NLRC5: variants seen among roughly 807,000 people sequenced by gnomAD.
NLRC5 encodes NLR family CARD domain containing 5.
Under a neutral mutation model 206.9 loss-of-function variants are expected in NLRC5, and 114 were observed. The observed-to-expected ratio is 0.55, with a 90% CI of 0.47 to 0.64. The LOEUF is 0.64. Among genes scored for constraint, NLRC5 ranks in the 30% least tolerant of loss-of-function variants. The pLI is 0.00. For missense variants in NLRC5, 2,008 were observed against 2,305.5 expected, an observed-to-expected ratio of 0.87 and a Z score of 2.64; for synonymous variants, 952 against 962.8, an observed-to-expected ratio of 0.99 and a Z score of 0.21.
chr16:57,013,514 G>A (rs1224193381), intron 1 of NLRC5: 16 of 795,372 alleles, frequency 2.0e-5, no homozygotes, highest in Non-Finnish European at 3.6e-5. Context: ...GGCTGCTTGT[G>A]CTTTCATCAT....
intron 1 of NLRC5, among the ~76,000 whole-genome samples, chr16:57,008,954 CA>C (rs1420135916): frequency 1.3e-5 from 2 of 152,024 alleles, no homozygotes; most frequent in East Asian, 3.9e-4. Flanking sequence ...GAAGAAAAAA[CA>C]AAGTAAACTA....
At chr16:57,046,744 G>A (rs1307195226) in intron 22 of NLRC5, 103 bp downstream of exon 22, 1 of 903,280 alleles carries the variant, frequency 1.1e-6, no homozygotes. Flanking sequence ...GGGATAGAGG[G>A]AAGAGAGGGA....
chr16:57,062,011 C>G (rs954096181), intron 32 of NLRC5: 1 of 1,438,584 alleles, frequency 7.0e-7, no homozygotes, highest in Non-Finnish European at 9.2e-7. Flanking sequence ...TCTTGTCTGT[C>G]TGTTCACTAT....
rs1410444661 is a variant in NLRC5, at chr16:57,055,021, G to A, written c.3597-11G>A. ...GCCACAGCTGTCTGACCCAGGTCCT[G>A]TCTGATCCAGGTCCCTGCACCATGC... is the stretch of plus-strand genomic sequence containing the variant. On this transcript the variant is annotated splice_polypyrimidine_tract_variant and intron_variant, in intron 25 of 48. Transcript: ENST00000688547. The A allele has an allele frequency of 6.2e-7, 1 of 1,614,212 alleles. No homozygotes were observed. Among genetic ancestry groups the A allele is most frequent in the Non-Finnish European group, 8.5e-7 (1 of 1,180,044 alleles).
intron 4 of NLRC5, 103 bp downstream of exon 4, chr16:57,022,418 C>T (rs1204852027): frequency 1.4e-5 from 14 of 1,003,814 alleles, no homozygotes; most frequent in Non-Finnish European, 1.8e-5. Flanking sequence ...TGGTCACAGC[C>T]ATTTCTCATA....
rs533207682 is a variant in NLRC5, at chr16:57,037,434, T to C, written c.2801+150T>C. On this transcript the variant is annotated intron_variant, in intron 15 of 48. Transcript: ENST00000688547. ...ACCCCGTTACAGCCGGCACCCCTCT[T>C]CCTAGCTGCTGTGGATATAGGCTGC... 6.2e-4 allele frequency: 431 copies of C among 699,960 alleles called. 3 individuals are homozygous for C. In the Middle Eastern group the frequency reaches 0.015, roughly 25 times the overall value. The allele number at this position is 699,960 out of a possible 1,614,324, so 43.4% of individuals were successfully genotyped here. A position where few individuals can be genotyped will look rare whatever the true frequency, so the allele number is the denominator to read the frequency against.
chr16:57,043,968 T>G (rs1251586058), intron 20 of NLRC5, among the ~76,000 whole-genome samples: 1 of 152,036 alleles, frequency 6.6e-6, no homozygotes, highest in Non-Finnish European at 1.5e-5. Flanking sequence ...GTTACATATG[T>G]ATACATGTGC....
At chr16:57,036,635 T>C (rs2062615445) in intron 14 of NLRC5, among the ~76,000 whole-genome samples, 1 of 149,352 alleles carries the variant, frequency 6.7e-6, no homozygotes, top group Non-Finnish European at 1.5e-5. Context: ...TGTGCTGTGG[T>C]GTTGCATGGG....
At chr16:57,043,464 A>C in intron 19 of NLRC5, 51 bp from the exon 20 acceptor site, 27 of 1,260,212 alleles carry the variant, frequency 2.1e-5, no homozygotes, top group African/African-American at 2.9e-5. Context: ...CACAAAGAGG[A>C]TGTGTTTGGG....
rs756315586 is a variant in NLRC5, at chr16:57,081,135, G to A, written c.5359G>A (p.Glu1787Lys). 8.4e-6 allele frequency: 13 copies of A among 1,546,510 alleles called. No individual in the cohort carries two copies. Among genetic ancestry groups the A allele is most frequent in the East Asian group, 2.4e-5 (1 of 41,178 alleles). ...TCTCCTCGGGGATGAGGCAGCTGCCGAGCTGGCCCAGGTGCTGCCGCAGAT... is the reference window on the plus strand; with the variant it reads ...TCTCCTCGGGGATGAGGCAGCTGCCAAGCTGGCCCAGGTGCTGCCGCAGAT... ...WNLLGDEAAA[E>K]LAQVLPQMGR... Residue 1787 changes from glutamate to lysine, a missense_variant, in exon 47 of 49, where the codon GAG (glutamate) becomes AAG (lysine). Glu to Lys is a moderately conservative substitution (Grantham distance 56). Coordinates refer to ENST00000688547, the MANE Select transcript of NLRC5 (RefSeq NM_001384950.1).
intron 45 of NLRC5, 60 bp from the exon 46 acceptor site, chr16:57,079,486 C>T (rs1254966205): frequency 1.3e-6 from 2 of 1,491,316 alleles, no homozygotes; most frequent in Non-Finnish European, 1.9e-6. Flanking sequence ...GAGGCAGGAC[C>T]TGCTAGATCC....
At chr16:57,071,519 T>A (rs2067766297) in intron 38 of NLRC5, among the ~76,000 whole-genome samples, 1 of 95,562 alleles carries the variant, frequency 1.0e-5, no homozygotes, top group Non-Finnish European at 2.0e-5. Context: ...GGAAGGGTTG[T>A]GAGTGAGTGG....
At position 57,043,495 on chromosome 16, in the gene NLRC5, G is replaced by A; in HGVS notation, c.3114-20G>A. Reference sequence around the variant, plus strand: ...TTGGGTCCTGAGTGACCTCCATTGTGCCACCCCTGTGATCTCCAGCCTCAG... The same window carrying A: ...TTGGGTCCTGAGTGACCTCCATTGTACCACCCCTGTGATCTCCAGCCTCAG... On this transcript the variant is annotated intron_variant, in intron 19 of 48. Coordinates refer to ENST00000688547, the MANE Select transcript of NLRC5 (RefSeq NM_001384950.1). 2 of 1,604,588 alleles carry A rather than the reference G, an allele frequency of 1.2e-6. No homozygotes were observed. Among genetic ancestry groups the A allele is most frequent in the Non-Finnish European group, 8.5e-7 (1 of 1,171,340 alleles).
intron 33 of NLRC5, among the ~76,000 whole-genome samples, chr16:57,066,104 G>T (rs1357487162): frequency 6.6e-6 from 1 of 152,088 alleles, no homozygotes; most frequent in Non-Finnish European, 1.5e-5. Flanking sequence ...ATGGCTTTCT[G>T]TCATGGTCTG....
intron 1 of NLRC5, chr16:57,004,622 G>C (rs1355677418): frequency 6.6e-6 from 1 of 152,324 alleles, no homozygotes; most frequent in African/African-American, 2.4e-5. Flanking sequence ...ATGTATGTGT[G>C]TGCACGTGCA....
chr16:57,046,180 G>C (rs2063945684), intron 21 of NLRC5, among the ~76,000 whole-genome samples: 1 of 152,174 alleles, frequency 6.6e-6, no homozygotes, highest in Admixed American at 6.5e-5. Context: ...GGAACCCCCG[G>C]GTTCTTGAGG....
Position 57,020,799 on chromosome 16 carries a change from C to T in NLRC5, c.87C>T (p.Asn29=), listed in dbSNP as rs200713636. 179 of 1,613,186 alleles carry T rather than the reference C, an allele frequency of 1.1e-4. No homozygotes were observed. In the South Asian group the frequency reaches 1.1e-3, roughly 10 times the overall value. The part of the protein sequence containing the change: ...RLLTKDPEWL[N]AKMKFFLPNT... ...TCACCAAAGACCCAGAATGGCTGAA[C>T]GCCAAGATGAAGTTCTTCCTCCCCA... Residue 29 remains asparagine (N), a synonymous_variant, in exon 3 of 49, where the codon AAC becomes AAT. Coordinates refer to ENST00000688547, the MANE Select transcript of NLRC5 (RefSeq NM_001384950.1).
rs1328899086 is a variant in NLRC5, at chr16:57,046,635, G to A, written c.3332G>A (p.Ser1111Asn). Residue 1111 changes from serine (S) to asparagine (N), a missense_variant, in exon 22 of 49, where the codon AGC (serine) becomes AAC (asparagine). Physicochemically the swap from Ser to Asn is conservative, Grantham distance 46. Coordinates refer to ENST00000688547, the MANE Select transcript of NLRC5 (RefSeq NM_001384950.1). ...TTCCGTCAGCGCTGCATCCCCAGGA[G>A]CCTCTGGTACTGTCCCAGCCCTTCT... ...LGFRQRCIPRSLCLSECPLEP... is the reference protein window; with the variant it reads ...LGFRQRCIPRNLCLSECPLEP... 1.9e-6 allele frequency: 3 copies of A among 1,613,880 alleles called. No homozygotes were observed. Among genetic ancestry groups the A allele is most frequent in the South Asian group, 2.2e-5 (2 of 91,078 alleles).
intron 24 of NLRC5, 86 bp from the exon 25 acceptor site, chr16:57,054,665 C>A: frequency 4.7e-6 from 4 of 849,652 alleles, no homozygotes; most frequent in Non-Finnish European, 2.0e-6. Context: ...GCTGCTAGCC[C>A]TCCCCACCCT....
Sources: gnomAD v4.1 joint callset for allele counts (sites outside exome capture counted in the v4.1 genomes callset) on GRCh38, gnomAD v4.1.1 for gene constraint, MANE v1.5 for transcripts, NCBI Gene and HGNC (gene_info 2026-07-23, HGNC 2026-07-21) for gene names.